The following OR9Q1 variants were observed in gnomAD, a reference collection of about 807,000 sequenced individuals.
The protein encoded by OR9Q1 is olfactory receptor family 9 subfamily Q member 1, also known as olfactory receptor 9Q1.
For synonymous variants in OR9Q1, 153 were observed against 148.6 expected (o/e 1.03, Z -0.22); for missense variants, 374 against 378.8 (o/e 0.99, Z 0.11).
At chr11:58,074,718 C>A (rs1156913628) in intron 2 of OR9Q1, among the ~76,000 whole-genome samples, 1 of 152,090 alleles carries the variant, frequency 6.6e-6, no homozygotes, top group Non-Finnish European at 1.5e-5. Context: ...AGGTTTTCTT[C>A]TAGGATTTTT....
chr11:58,120,819 TATATATATAC>T lies in OR9Q1; in HGVS notation c.-14-58605_-14-58596del, dbSNP rs1478083978. ...TTTCAATACCATATATATATATATATATATATATACATATATTCTTGTTTTTTGACTGAGT... is the reference window on the plus strand; with the variant it reads ...TTTCAATACCATATATATATATATATATATATTCTTGTTTTTTGACTGAGT... On this transcript the variant is annotated intron_variant, in intron 2 of 2. Transcript: ENST00000335397. 2.0e-3 allele frequency among the ~76,000 whole-genome samples: 292 copies of T among 148,046 alleles called. 2 individuals are homozygous for T. The highest frequency in any genetic ancestry group is 3.2e-3 in the Non-Finnish European group (212 of 67,124).
At chr11:58,086,757 C>G (rs1217717923) in intron 2 of OR9Q1, among the ~76,000 whole-genome samples, 2 of 151,536 alleles carry the variant, frequency 1.3e-5, no homozygotes, top group African/African-American at 4.9e-5. Flanking sequence ...AAGCTAGGCA[C>G]AGAAACAAAA....
At chr11:58,132,590 G>A (rs1360530362) in intron 2 of OR9Q1, among the ~76,000 whole-genome samples, 2 of 152,136 alleles carry the variant, frequency 1.3e-5, no homozygotes, top group Non-Finnish European at 2.9e-5. Context: ...AGATTGCTGG[G>A]ACCTCACACA....
chr11:58,152,076 C>T (rs1326771487), intron 2 of OR9Q1, among the ~76,000 whole-genome samples: 1 of 152,022 alleles, frequency 6.6e-6, no homozygotes, highest in East Asian at 1.9e-4. Context: ...GTCCTGAGTT[C>T]CAGAAATTAC....
chr11:58,180,358 A>G lies in OR9Q1; in HGVS notation c.914A>G (p.Asn305Ser), dbSNP rs772313694. ...EVKEALRKIL[N>S]RAKLS The stretch of plus-strand genomic sequence containing the variant: ...AAGGAGGCCCTGAGAAAAATTCTCA[A>G]TAGAGCCAAGTTGTCCTAACCATCT... Residue 305 changes from asparagine (N) to serine (S), a missense_variant, in exon 3 of 3, where the codon AAT (asparagine) becomes AGT (serine). Asn to Ser is a conservative substitution (Grantham distance 46). Transcript: ENST00000335397. 2 of 1,592,364 alleles carry G rather than the reference A, an allele frequency of 1.3e-6. No homozygotes were observed. Among genetic ancestry groups the G allele is most frequent in the South Asian group, 1.1e-5 (1 of 87,812 alleles).
chr11:58,128,665 A>G (rs563402892), intron 2 of OR9Q1, among the ~76,000 whole-genome samples: 2 of 152,316 alleles, frequency 1.3e-5, no homozygotes, highest in African/African-American at 4.8e-5. Context: ...GGAAGTGCCC[A>G]TCAACAAGAT....
intron 1 of OR9Q1, among the ~76,000 whole-genome samples, chr11:58,046,743 A>C (rs995860264): frequency 2.2e-4 from 33 of 152,102 alleles, no homozygotes; most frequent in Admixed American, 2.1e-3. Flanking sequence ...GGTGCATGTA[A>C]TCCCAGCTAC....
rs564497218 is a variant in OR9Q1, at chr11:58,094,244, T to C, written c.-15+38297T>C. ...TTATAAATGGGAGATAAATAATGTG[T>C]ACACATAGACATAGACTGTGGAATG... On this transcript the variant is annotated intron_variant, in intron 2 of 2. Coordinates refer to ENST00000335397, the MANE Select transcript of OR9Q1 (RefSeq NM_001005212.4). 3.3e-5 allele frequency among the ~76,000 whole-genome samples: 5 copies of C among 152,266 alleles called. No homozygotes were observed. The East Asian group carries it at 7.7e-4, about 24-fold the overall frequency.
intron 2 of OR9Q1, among the ~76,000 whole-genome samples, chr11:58,127,432 C>A (rs1413604867): frequency 3.9e-5 from 6 of 152,180 alleles, no homozygotes; most frequent in Non-Finnish European, 8.8e-5. Flanking sequence ...GTAGTTTCAG[C>A]TGGAGGCTAG....
At chr11:58,106,119 A>G (rs1853837480) in intron 2 of OR9Q1, among the ~76,000 whole-genome samples, 1 of 151,382 alleles carries the variant, frequency 6.6e-6, no homozygotes, top group African/African-American at 2.4e-5. Context: ...AACACATCCA[A>G]GGGTTCCAAT....
intron 2 of OR9Q1, among the ~76,000 whole-genome samples, chr11:58,177,798 G>T (rs188077546): frequency 5.8e-4 from 88 of 152,274 alleles, no homozygotes; most frequent in Non-Finnish European, 4.3e-4. Context: ...ATATTATTTG[G>T]TAACTTTATT....
At chr11:58,175,772 A>G (rs1467621715) in intron 2 of OR9Q1, among the ~76,000 whole-genome samples, 1 of 151,522 alleles carries the variant, frequency 6.6e-6, no homozygotes, top group Non-Finnish European at 1.5e-5. Flanking sequence ...GGTTATCATA[A>G]TTGTCAAAGA....
At chr11:58,069,394 C>G (rs1853464895) in intron 2 of OR9Q1, among the ~76,000 whole-genome samples, 2 of 152,130 alleles carry the variant, frequency 1.3e-5, no homozygotes, top group Admixed American at 1.3e-4. Context: ...GAGGCATATT[C>G]TCTTTCTCAG....
At chr11:58,106,343 A>G (rs1853840278) in intron 2 of OR9Q1, among the ~76,000 whole-genome samples, 1 of 151,792 alleles carries the variant, frequency 6.6e-6, no homozygotes, top group Non-Finnish European at 1.5e-5. Flanking sequence ...TAATTGTATT[A>G]TTTATTTTAT....
chr11:58,115,509 G>A (rs1201955421), intron 2 of OR9Q1, among the ~76,000 whole-genome samples: 1 of 152,110 alleles, frequency 6.6e-6, no homozygotes, highest in Non-Finnish European at 1.5e-5. Flanking sequence ...TACAGTTTTT[G>A]TCAATTAAAA....
At chr11:58,140,130 G>T (rs1384506124) in intron 2 of OR9Q1, among the ~76,000 whole-genome samples, 3 of 152,056 alleles carry the variant, frequency 2.0e-5, no homozygotes, top group South Asian at 4.1e-4. Flanking sequence ...TTTTGATGGG[G>T]TTGTTTGTTT....
At chr11:58,126,135 T>G (rs1364582606) in intron 2 of OR9Q1, among the ~76,000 whole-genome samples, 1 of 152,152 alleles carries the variant, frequency 6.6e-6, no homozygotes, top group Non-Finnish European at 1.5e-5. Flanking sequence ...TCCTTAAAGA[T>G]CTATTTCCAG....
intron 2 of OR9Q1, among the ~76,000 whole-genome samples, chr11:58,163,181 C>A (rs1297477446): frequency 6.6e-6 from 1 of 152,132 alleles, no homozygotes; most frequent in Non-Finnish European, 1.5e-5. Context: ...AATGCCACTT[C>A]CTTGGAAATC....
intron 2 of OR9Q1, among the ~76,000 whole-genome samples, chr11:58,115,654 T>C (rs573701449): frequency 6.6e-6 from 1 of 152,298 alleles, no homozygotes; most frequent in East Asian, 1.9e-4. Flanking sequence ...GAGAGGTGTG[T>C]GCCACTGTCT....
Sources: gnomAD v4.1 joint callset for allele counts (sites outside exome capture counted in the v4.1 genomes callset) on GRCh38, gnomAD v4.1.1 for gene constraint, MANE v1.5 for transcripts, NCBI Gene and HGNC (gene_info 2026-07-23, HGNC 2026-07-21) for gene names.